Variants in PTPRD observed in about 807,000 individuals in gnomAD.
PTPRD encodes receptor-type tyrosine-protein phosphatase delta.
PTPRD carries 34 observed loss-of-function variants against 214.5 expected under a neutral mutation model. The observed-to-expected ratio is 0.16, with a 90% CI of 0.12 to 0.21. The LOEUF is 0.21. Among genes scored for constraint, PTPRD ranks in the 10% least tolerant of loss-of-function variants. The probability of loss-of-function intolerance (pLI) is 1.00; values close to 1 mark genes in which losing one functional copy is unlikely to be tolerated. For missense variants in PTPRD, 2,545 were observed against 2,398.7 expected (o/e 1.06, Z -1.27); for synonymous variants, 1,128 against 845.7 (o/e 1.33, Z -5.79).
chr9:9,183,603 G>C (rs2099929536), intron 9 of PTPRD, among the ~76,000 whole-genome samples: 1 of 151,950 alleles, frequency 6.6e-6, no homozygotes, highest in South Asian at 2.1e-4. Context: ...GCAGAATATT[G>C]ACTATTCTTT....
chr9:10,065,784 A>C (rs2097867428), intron 3 of PTPRD, among the ~76,000 whole-genome samples: 1 of 151,936 alleles, frequency 6.6e-6, no homozygotes, highest in Non-Finnish European at 1.5e-5. Flanking sequence ...AACGGGGAAG[A>C]AAAGTATTTT....
chr9:8,962,424 G>C (rs2154319815), intron 11 of PTPRD, among the ~76,000 whole-genome samples: 1 of 152,108 alleles, frequency 6.6e-6, no homozygotes, highest in Admixed American at 6.6e-5. Context: ...CACATGGATT[G>C]GAAGGTGGGA....
intron 2 of PTPRD, among the ~76,000 whole-genome samples, chr9:10,551,558 A>G (rs2131113268): frequency 1.3e-5 from 2 of 152,262 alleles, no homozygotes; most frequent in Middle Eastern, 3.4e-3. Context: ...AACAGGCCCT[A>G]AAGAGCTGCC....
intron 5 of PTPRD, among the ~76,000 whole-genome samples, chr9:9,829,102 C>G (rs4329322): frequency 1.3e-5 from 2 of 151,766 alleles, no homozygotes; most frequent in African/African-American, 4.8e-5. Context: ...TTACATTTAT[C>G]TATGACTTTG....
chr9:10,322,562 C>T (rs1381022461), intron 3 of PTPRD, among the ~76,000 whole-genome samples: 1 of 152,058 alleles, frequency 6.6e-6, no homozygotes, highest in Non-Finnish European at 1.5e-5. Flanking sequence ...TTTTCTCCCT[C>T]AAACCTTAAT....
intron 44 of PTPRD, among the ~76,000 whole-genome samples, chr9:8,320,273 G>A (rs551479523): frequency 1.3e-5 from 2 of 152,106 alleles, no homozygotes; most frequent in African/African-American, 4.8e-5. Context: ...TAACATATAG[G>A]TTTATAATAT....
intron 5 of PTPRD, among the ~76,000 whole-genome samples, chr9:9,826,999 A>T (rs1048160590): frequency 2.6e-5 from 4 of 152,178 alleles, no homozygotes; most frequent in African/African-American, 9.6e-5. Context: ...CAATGAAATA[A>T]ATGAGGATAC....
At chr9:8,642,176 A>G (rs72698283) in intron 12 of PTPRD, among the ~76,000 whole-genome samples, 10,394 of 152,226 alleles carry the variant, frequency 0.068, 1,079 homozygotes, top group African/African-American at 0.23. Flanking sequence ...AAACAGATTC[A>G]TAGAAAGGAT....
chr9:8,795,120 G>T (rs2154514079), intron 11 of PTPRD, among the ~76,000 whole-genome samples: 1 of 152,160 alleles, frequency 6.6e-6, no homozygotes, highest in African/African-American at 2.4e-5. Context: ...CTACCAAAAT[G>T]GGAAAACATT....
chr9:8,547,641 T>TAA (rs759867541), intron 14 of PTPRD, among the ~76,000 whole-genome samples: 21 of 110,962 alleles, frequency 1.9e-4, no homozygotes, highest in South Asian at 1.2e-3. Flanking sequence ...GAATCCTATT[T>TAA]AAAAAAAAAA....
chr9:9,537,219 T>C (rs1332753938), intron 8 of PTPRD, among the ~76,000 whole-genome samples: 2 of 151,944 alleles, frequency 1.3e-5, no homozygotes, highest in South Asian at 2.1e-4. Flanking sequence ...AGGTGTATGA[T>C]ATAAATAAGA....
intron 3 of PTPRD, among the ~76,000 whole-genome samples, chr9:10,247,914 G>A (rs1019247586): frequency 3.3e-5 from 5 of 152,108 alleles, no homozygotes; most frequent in African/African-American, 1.2e-4. Context: ...TATGTGTTAT[G>A]GGAGGGACCC....
intron 10 of PTPRD, among the ~76,000 whole-genome samples, chr9:9,173,649 C>G (rs1454506197): frequency 3.9e-5 from 6 of 152,074 alleles, no homozygotes; most frequent in African/African-American, 1.4e-4. Context: ...ATGTGTGTAT[C>G]TAGACATATC....
At chr9:9,814,929 A>T (rs1296806924) in intron 5 of PTPRD, among the ~76,000 whole-genome samples, 2 of 150,418 alleles carry the variant, frequency 1.3e-5, no homozygotes, top group East Asian at 3.9e-4. Context: ...CCTCTTGAGT[A>T]GCTGGGACTA....
At chr9:10,578,941 A>AACAAAC (rs2070647247) in intron 2 of PTPRD, among the ~76,000 whole-genome samples, 1 of 152,016 alleles carries the variant, frequency 6.6e-6, no homozygotes, top group Non-Finnish European at 1.5e-5. Flanking sequence ...GTTCCGGGAT[A>AACAAAC]CATGTGCAGA....
chr9:9,171,192 C>A (rs180716755), intron 10 of PTPRD, among the ~76,000 whole-genome samples: 58 of 152,094 alleles, frequency 3.8e-4, no homozygotes, highest in African/African-American at 1.3e-3. Context: ...TCTTGTGGAA[C>A]GGGAAAAGCT....
chr9:10,595,850 A>C (rs1279456569), intron 2 of PTPRD, among the ~76,000 whole-genome samples: 2 of 151,756 alleles, frequency 1.3e-5, no homozygotes, highest in African/African-American at 4.8e-5. Flanking sequence ...ATGTTTTAAA[A>C]ATTAAGAACA....
At chr9:10,027,305 T>G (rs1444656333) in intron 4 of PTPRD, among the ~76,000 whole-genome samples, 2 of 152,154 alleles carry the variant, frequency 1.3e-5, no homozygotes, top group Non-Finnish European at 1.5e-5. Flanking sequence ...AATAGTTGTT[T>G]GAGATAAAAG....
At chr9:10,241,991 AC>A (rs1448330774) in intron 3 of PTPRD, among the ~76,000 whole-genome samples, 1 of 151,994 alleles carries the variant, frequency 6.6e-6, no homozygotes, top group Non-Finnish European at 1.5e-5. Context: ...GTTAATTTAA[AC>A]AACACGCTGT....
Sources: gnomAD v4.1 joint callset for allele counts (sites outside exome capture counted in the v4.1 genomes callset) on GRCh38, gnomAD v4.1.1 for gene constraint, MANE v1.5 for transcripts, NCBI Gene and HGNC (gene_info 2026-07-23, HGNC 2026-07-21) for gene names.